NLGN1: variants seen among roughly 807,000 people sequenced by gnomAD.
NLGN1 encodes the protein neuroligin 1.
A neutral mutation model predicts 65.5 loss-of-function variants in NLGN1; 12 were observed. The ratio of observed to expected loss-of-function variants is 0.18; its 90% confidence interval spans 0.12 to 0.30. NLGN1 has a LOEUF of 0.30. NLGN1 is among the 10% of genes least tolerant of loss of function. NLGN1 has a pLI of 1.00. For missense variants in NLGN1, 750 were observed against 1,007.1 expected (o/e 0.74, Z 3.46); for synonymous variants, 350 against 359.5 (o/e 0.97, Z 0.30).
chr3:173,624,944 G>C (rs1357707602), intron 3 of NLGN1, among the ~76,000 whole-genome samples: 1 of 151,596 alleles, frequency 6.6e-6, no homozygotes, highest in Non-Finnish European at 1.5e-5. Context: ...GAGTCTTCTT[G>C]AACTTTAACT....
At chr3:174,185,695 T>A (rs1489104632) in intron 4 of NLGN1, among the ~76,000 whole-genome samples, 1 of 152,016 alleles carries the variant, frequency 6.6e-6, no homozygotes, top group Admixed American at 6.6e-5. Flanking sequence ...AGTAACAAAT[T>A]TAATGGTGTC....
chr3:173,954,619 G>A (rs1018960301), intron 4 of NLGN1, among the ~76,000 whole-genome samples: 1 of 151,880 alleles, frequency 6.6e-6, no homozygotes, highest in African/African-American at 2.4e-5. Context: ...TCTTTCAGTA[G>A]AACCAATGTA....
intron 2 of NLGN1, among the ~76,000 whole-genome samples, chr3:173,581,871 A>C (rs1746460160): frequency 6.6e-6 from 1 of 151,970 alleles, no homozygotes; most frequent in Admixed American, 6.5e-5. Flanking sequence ...GTAAACACCC[A>C]TGTACTCAAG....
rs529326628 is a variant in NLGN1, at chr3:173,750,602, A to C, written c.494-57078A>C. ...AGTGGATATGTATCAAAATAATTTTATGTCTATTGAGAATTCAGAATGCAT... is the reference window on the plus strand; with the variant it reads ...AGTGGATATGTATCAAAATAATTTTCTGTCTATTGAGAATTCAGAATGCAT... On this transcript the variant is annotated intron_variant, in intron 3 of 6. Transcript: ENST00000457714. Among the ~76,000 whole-genome samples the C allele has an allele frequency of 2.0e-5, 3 of 152,118 alleles. No individual in the cohort carries two copies. The East Asian group carries it at 5.8e-4, about 29-fold the overall frequency.
chr3:173,988,117 T>C (rs1720338340), intron 4 of NLGN1, among the ~76,000 whole-genome samples: 1 of 152,010 alleles, frequency 6.6e-6, no homozygotes, highest in Non-Finnish European at 1.5e-5. Flanking sequence ...TATACAGGAG[T>C]ACATTTCTTA....
intron 3 of NLGN1, among the ~76,000 whole-genome samples, chr3:173,623,590 C>T (rs1205525710): frequency 6.6e-6 from 1 of 152,062 alleles, no homozygotes; most frequent in Admixed American, 6.6e-5. Flanking sequence ...TTGTGACCAT[C>T]ACGTGGCTGC....
At chr3:173,769,669 T>A (rs914108057) in intron 3 of NLGN1, among the ~76,000 whole-genome samples, 5 of 152,132 alleles carry the variant, frequency 3.3e-5, no homozygotes, top group Non-Finnish European at 1.5e-5. Context: ...GAGGGCAGGA[T>A]TGGAGATGGA....
At chr3:173,821,392 A>G (rs114534159) in intron 4 of NLGN1, among the ~76,000 whole-genome samples, 3,334 of 152,260 alleles carry the variant, frequency 0.022, 152 homozygotes, top group African/African-American at 0.076. Context: ...TCTGACAGGA[A>G]TAAGAGATGA....
chr3:173,496,613 T>G lies in NLGN1; in HGVS notation c.-321+61535T>G, dbSNP rs544928939. Among the ~76,000 whole-genome samples the G allele has an allele frequency of 2.0e-5, 3 of 151,950 alleles. No individual in the cohort carries two copies. In the South Asian group the frequency reaches 6.2e-4, roughly 31 times the overall value. ...GTTCATATTTAGCCTATCTGTTAGC[T>G]TATCACAATTGACAGAGATGCTTTG... is the stretch of plus-strand genomic sequence containing the variant. On this transcript the variant is annotated intron_variant, in intron 2 of 6. Transcript: ENST00000457714.
chr3:173,729,914 G>A (rs1239807416), intron 3 of NLGN1, among the ~76,000 whole-genome samples: 1 of 151,660 alleles, frequency 6.6e-6, no homozygotes, highest in Non-Finnish European at 1.5e-5. Context: ...ATATCTATTT[G>A]TTTCAGATAT....
chr3:174,227,921 CATAA>C (rs572409282), intron 4 of NLGN1, among the ~76,000 whole-genome samples: 14 of 152,066 alleles, frequency 9.2e-5, no homozygotes, highest in African/African-American at 3.4e-4. Flanking sequence ...ACTGTATGAG[CATAA>C]ATAATAGAAT....
chr3:173,776,405 C>G (rs1780303213), intron 3 of NLGN1, among the ~76,000 whole-genome samples: 1 of 151,968 alleles, frequency 6.6e-6, no homozygotes, highest in African/African-American at 2.4e-5. Flanking sequence ...CTTTGTTCCT[C>G]TCTCATTTTA....
chr3:174,040,847 GC>G (rs1179079015), intron 4 of NLGN1, among the ~76,000 whole-genome samples: 3 of 151,856 alleles, frequency 2.0e-5, no homozygotes, highest in Non-Finnish European at 4.4e-5. Flanking sequence ...TTCTTGTTTT[GC>G]TACAAATTTA....
At chr3:173,657,172 C>T (rs3853393) in intron 3 of NLGN1, among the ~76,000 whole-genome samples, 23,018 of 151,850 alleles carry the variant, frequency 0.15, 1,875 homozygotes, top group South Asian at 0.22. Context: ...TCACTCACTA[C>T]GGTATCTAAA....
intron 3 of NLGN1, among the ~76,000 whole-genome samples, chr3:173,637,596 T>C (rs1465717277): frequency 6.6e-6 from 1 of 152,182 alleles, no homozygotes; most frequent in Non-Finnish European, 1.5e-5. Context: ...TCTTAATTGC[T>C]TCCACAGGCA....
intron 2 of NLGN1, among the ~76,000 whole-genome samples, chr3:173,599,400 T>C (rs1750068688): frequency 6.6e-6 from 1 of 152,098 alleles, no homozygotes; most frequent in Non-Finnish European, 1.5e-5. Context: ...TCATGAAGAA[T>C]ATCCTTTTGT....
intron 4 of NLGN1, among the ~76,000 whole-genome samples, chr3:174,062,003 A>C (rs943467475): frequency 1.3e-5 from 2 of 152,138 alleles, no homozygotes; most frequent in African/African-American, 4.8e-5. Context: ...TAGTTATTCC[A>C]CAAGACTAGT....
intron 4 of NLGN1, among the ~76,000 whole-genome samples, chr3:173,983,225 C>T (rs55637740): frequency 0.18 from 27,918 of 152,040 alleles, 2,755 homozygotes; most frequent in East Asian, 0.33. Flanking sequence ...TGTCAATTGC[C>T]ATGTACTAGT....
chr3:173,892,606 T>C (rs948683533), intron 4 of NLGN1, among the ~76,000 whole-genome samples: 1 of 145,996 alleles, frequency 6.8e-6, no homozygotes, highest in Non-Finnish European at 1.5e-5. Flanking sequence ...AGTTAAGAAA[T>C]GAGGAATAAG....
Sources: allele counts gnomAD v4.1 joint callset (sites outside exome capture counted in the v4.1 genomes callset), GRCh38; gene constraint gnomAD v4.1.1; transcripts MANE v1.5; gene names NCBI Gene and HGNC (gene_info 2026-07-23, HGNC 2026-07-21).